TRPC3: variants seen among roughly 807,000 people sequenced by gnomAD.
TRPC3 encodes transient receptor potential cation channel subfamily C member 3.
TRPC3 carries 54 observed loss-of-function variants against 90.9 expected under a neutral mutation model. That is an observed-to-expected ratio of 0.59 (90% CI 0.48 to 0.75). TRPC3 has a LOEUF of 0.75. Ranked by LOEUF, TRPC3 falls within the 30% of genes least tolerant of loss-of-function variation. The probability of loss-of-function intolerance (pLI) is 0.00; values close to 1 mark genes in which losing one functional copy is unlikely to be tolerated. For synonymous variants in TRPC3, 424 were observed against 450.9 expected, an observed-to-expected ratio of 0.94 and a Z score of 0.75; for missense variants, 918 against 1,194.5, an observed-to-expected ratio of 0.77 and a Z score of 3.41.
intron 1 of TRPC3, among the ~76,000 whole-genome samples, chr4:121,934,384 C>A (rs1447628429): frequency 6.6e-6 from 1 of 152,138 alleles, no homozygotes; most frequent in Non-Finnish European, 1.5e-5. Flanking sequence ...AAATGTTGCA[C>A]AAATATTGTA....
chr4:121,910,128 AG>A (rs753170394), intron 6 of TRPC3, 25 bp downstream of exon 6: 2 of 1,597,936 alleles, frequency 1.3e-6, no homozygotes, highest in Non-Finnish European at 8.6e-7. Flanking sequence ...CCAAAACACA[AG>A]GGGACCCTGA....
intron 1 of TRPC3, 196 bp from the exon 2 acceptor site, chr4:121,933,238 C>T (rs988018481): frequency 8.5e-7 from 1 of 1,182,858 alleles, no homozygotes; most frequent in Non-Finnish European, 1.1e-6. Context: ...CTGCTAGATC[C>T]CAGAAGGAAG....
chr4:121,904,582 A>G, intron 7 of TRPC3, 65 bp from the exon 8 acceptor site: 1 of 1,292,514 alleles, frequency 7.7e-7, no homozygotes, highest in Non-Finnish European at 1.0e-6. Context: ...AGTGAAAAGT[A>G]AAAAACAAGT....
At chr4:121,925,440 A>G (rs978252592) in intron 2 of TRPC3, among the ~76,000 whole-genome samples, 3 of 152,072 alleles carry the variant, frequency 2.0e-5, no homozygotes, top group African/African-American at 7.2e-5. Context: ...TGAAAATGGC[A>G]TGATTATAAT....
intron 2 of TRPC3, among the ~76,000 whole-genome samples, chr4:121,928,755 T>C (rs1729799934): frequency 6.6e-6 from 1 of 152,206 alleles, no homozygotes; most frequent in Non-Finnish European, 1.5e-5. Flanking sequence ...AAGTTCAGTC[T>C]TCATCACAAT....
chr4:121,936,072 T>G (rs1324615821), intron 1 of TRPC3, among the ~76,000 whole-genome samples: 3 of 152,240 alleles, frequency 2.0e-5, no homozygotes. Context: ...GATATCTCAA[T>G]TAGAACAAAT....
chr4:121,927,678 G>A (rs577086357), intron 2 of TRPC3, among the ~76,000 whole-genome samples: 1 of 152,278 alleles, frequency 6.6e-6, no homozygotes, highest in South Asian at 2.1e-4. Flanking sequence ...CTGTTTAAAG[G>A]CTACACAGAT....
rs371243481 is a variant in TRPC3 at position 121,882,340 on chromosome 4, T to G, written c.2623+14A>C. 1 of 1,600,806 alleles carries G rather than the reference T, an allele frequency of 6.2e-7. No individual in the cohort carries two copies. Among genetic ancestry groups the G allele is most frequent in the South Asian group, 1.1e-5 (1 of 89,028 alleles). On this transcript the variant is annotated intron_variant, in intron 11 of 11. Transcript: ENST00000379645. ...TAGCTATAAAAGGATATTTTTTAAG[T>G]TGGAGATGCTTACCTTCATTAACTT...
At position 121,932,676 on chromosome 4, in the gene TRPC3, G is replaced by A. The variant is rs749372399; in HGVS notation, c.582C>T (p.Ile194=). The A allele has an allele frequency of 3.1e-6, 5 of 1,613,138 alleles. No individual in the cohort carries two copies. In the African/African-American group the frequency reaches 5.3e-5, roughly 17 times the overall value. Residue 194 remains isoleucine (I), a synonymous_variant, in exon 2 of 12, where the codon ATC becomes ATT. Transcript: ENST00000379645. This position sits in a 1 kb window ranked among gnomAD's most constrained non-coding sequence, Gnocchi z 7.7. ...TGGCCGCGAAGCCAGGGTGGTTGAG[G>A]ATGGCCTCTACGATGCGCACGTAGC... ...SKGYVRIVEA[I]LNHPGFAASK...
chr4:121,888,020 C>T (rs1002276073), intron 10 of TRPC3, among the ~76,000 whole-genome samples: 12 of 150,584 alleles, frequency 8.0e-5, no homozygotes, highest in Admixed American at 3.3e-4. Flanking sequence ...TGAGAGAAAG[C>T]GTCTTGCTGT....
At chr4:121,908,400 T>C (rs1231782070) in intron 6 of TRPC3, among the ~76,000 whole-genome samples, 1 of 152,112 alleles carries the variant, frequency 6.6e-6, no homozygotes, top group East Asian at 1.9e-4. Context: ...TGAAAACATA[T>C]TGTTTTACCA....
At chr4:121,933,288 A>T in intron 1 of TRPC3, 1 of 620,570 alleles carries the variant, frequency 1.6e-6, no homozygotes, top group Non-Finnish European at 2.3e-6. Flanking sequence ...TTCTCTAGAA[A>T]ATGATATTCA....
chr4:121,897,281 A>G (rs936224583), intron 10 of TRPC3, among the ~76,000 whole-genome samples: 8 of 151,934 alleles, frequency 5.3e-5, no homozygotes, highest in Non-Finnish European at 7.4e-5. Flanking sequence ...AAAAGCAAAA[A>G]TAAACATATG....
Position 121,951,372 on chromosome 4 carries a change from C to G in TRPC3, c.215+94G>C. On this transcript the variant is annotated intron_variant, in intron 1 of 11. Transcript: ENST00000379645. The surrounding 1 kb of genome is among the most constrained non-coding windows in gnomAD (Gnocchi z 4.4). ...CGTACCATGTGGGTCTCGGAGGTCC[C>G]GGGCTCGACGTGGAGCCGCCCGGCG... is the stretch of plus-strand genomic sequence containing the variant. 1 of 843,408 alleles carries G rather than the reference C, an allele frequency of 1.2e-6. No individual in the cohort carries two copies. The highest frequency in any genetic ancestry group is 1.5e-6 in the Non-Finnish European group (1 of 668,072). 52.2% of individuals were successfully genotyped at this position (843,408 alleles called of 1,614,324 possible). A position where few individuals can be genotyped will look rare whatever the true frequency, so the allele number is the denominator to read the frequency against.
rs1270347094 is a variant in TRPC3 at position 121,879,820 on chromosome 4, G to A, written c.2682C>T (p.Asp894=). 1 of 1,607,584 alleles carries A rather than the reference G, an allele frequency of 6.2e-7. No homozygotes were observed. The highest frequency in any genetic ancestry group is 1.3e-5 in the African/African-American group (1 of 74,556). The change falls in exon 12 of 12, where the codon GAC becomes GAT. Residue 894 remains aspartate, a synonymous_variant. Transcript: ENST00000379645. Reference sequence around the variant, plus strand: ...CTAATTCCTCAGTTGCTTGGCTCTTGTCTTCCAAAAGTTCATAACGAAGGC... The same window carrying A: ...CTAATTCCTCAGTTGCTTGGCTCTTATCTTCCAAAAGTTCATAACGAAGGC... ...ISSLRYELLE[D]KSQATEELAI...
intron 10 of TRPC3, among the ~76,000 whole-genome samples, chr4:121,882,978 GT>G (rs1481753839): frequency 6.6e-6 from 1 of 151,718 alleles, no homozygotes; most frequent in Non-Finnish European, 1.5e-5. Context: ...TATATTTTAT[GT>G]TTTCTAAATG....
At chr4:121,910,125 A>T in intron 6 of TRPC3, 29 bp downstream of exon 6, 1 of 1,596,462 alleles carries the variant, frequency 6.3e-7, no homozygotes, top group Non-Finnish European at 8.6e-7. Context: ...TTCCCAAAAC[A>T]CAAGGGGACC....
intron 10 of TRPC3, among the ~76,000 whole-genome samples, chr4:121,889,378 C>T (rs1728241072): frequency 6.6e-6 from 1 of 151,870 alleles, no homozygotes; most frequent in African/African-American, 2.4e-5. Flanking sequence ...AACTCAACAG[C>T]AAAAAACAAG....
intron 8 of TRPC3, among the ~76,000 whole-genome samples, chr4:121,903,794 A>G (rs1194790472): frequency 6.6e-6 from 1 of 152,208 alleles, no homozygotes; most frequent in Admixed American, 6.5e-5. Context: ...GATTTGGTGG[A>G]GTTAACAAAC....
Sources: allele counts gnomAD v4.1 joint callset (sites outside exome capture counted in the v4.1 genomes callset), GRCh38; gene constraint gnomAD v4.1.1; non-coding constraint Gnocchi (gnomAD v3.1); transcripts MANE v1.5; gene names NCBI Gene and HGNC (gene_info 2026-07-23, HGNC 2026-07-21).